The following GON4L variants were observed in gnomAD, a reference collection of about 807,000 sequenced individuals.
GON4L encodes GON-4-like protein.
A neutral mutation model predicts 211.8 loss-of-function variants in GON4L; 87 were observed. That is an observed-to-expected ratio of 0.41 (90% CI 0.35 to 0.49). The LOEUF (loss-of-function observed/expected upper bound fraction) is 0.49, where lower values mean the gene tolerates loss of function less well. Ranked by LOEUF, GON4L falls within the 20% of genes least tolerant of loss-of-function variation. The pLI, the probability that GON4L is intolerant of heterozygous loss-of-function variation, is 0.15. For missense variants in GON4L, 2,155 were observed against 2,659.5 expected, an observed-to-expected ratio of 0.81 and a Z score of 4.17; for synonymous variants, 875 against 962.6, an observed-to-expected ratio of 0.91 and a Z score of 1.68.
At chr1:155,821,261 G>A (rs1326290709) in intron 5 of GON4L, among the ~76,000 whole-genome samples, 4 of 150,452 alleles carry the variant, frequency 2.7e-5, no homozygotes, top group African/African-American at 2.4e-5. Flanking sequence ...GTAAGACTCC[G>A]TCTCAAAAAA....
chr1:155,769,476 C>T (rs1662943678), intron 19 of GON4L, among the ~76,000 whole-genome samples: 1 of 152,102 alleles, frequency 6.6e-6, no homozygotes, highest in African/African-American at 2.4e-5. Flanking sequence ...CAGAGAGCAA[C>T]ACGCTTAGAG....
intron 6 of GON4L, 122 bp downstream of exon 6, chr1:155,820,484 T>C: frequency 2.8e-6 from 2 of 708,162 alleles, no homozygotes; most frequent in Non-Finnish European, 5.1e-6. Context: ...CTGTCTTTTA[T>C]AAATATTTCT....
intron 25 of GON4L, 121 bp from the exon 26 acceptor site, chr1:155,757,444 T>C: frequency 1.2e-6 from 1 of 849,096 alleles, no homozygotes; most frequent in Non-Finnish European, 1.9e-6. Context: ...ACACAGAGAC[T>C]CTGCCTGGTA....
chr1:155,767,704 T>C (rs112155380), intron 19 of GON4L, among the ~76,000 whole-genome samples, 163 bp from the exon 20 acceptor site: 10,000 of 152,054 alleles, frequency 0.066, 408 homozygotes, highest in African/African-American at 0.11. Context: ...CATATATAAA[T>C]AGCATATGCT....
chr1:155,802,507 A>G (rs1666771238), intron 11 of GON4L, among the ~76,000 whole-genome samples: 1 of 152,166 alleles, frequency 6.6e-6, no homozygotes. Context: ...ACTGTTTTCA[A>G]AAATCTTTCC....
At chr1:155,786,373 A>C (rs1440056012) in intron 12 of GON4L, among the ~76,000 whole-genome samples, 1 of 152,064 alleles carries the variant, frequency 6.6e-6, no homozygotes, top group Non-Finnish European at 1.5e-5. Context: ...ATATCTCTAC[A>C]AAAAAATTTA....
intron 2 of GON4L, among the ~76,000 whole-genome samples, chr1:155,836,903 G>A (rs1670364927): frequency 6.6e-6 from 1 of 152,104 alleles, no homozygotes; most frequent in South Asian, 2.1e-4. Context: ...TTGTTATTTT[G>A]AGAGGTATTC....
At chr1:155,817,034 T>C (rs1003307095) in intron 6 of GON4L, among the ~76,000 whole-genome samples, 5 of 152,136 alleles carry the variant, frequency 3.3e-5, no homozygotes, top group Admixed American at 1.3e-4. Flanking sequence ...CCCTGTTGCC[T>C]AGGCTAGAGC....
At chr1:155,754,521 G>GTTT in intron 27 of GON4L, 33 bp from the exon 28 acceptor site, 6 of 601,028 alleles carry the variant, frequency 1.0e-5, no homozygotes, top group South Asian at 1.8e-5. Flanking sequence ...TAGCTGCCAA[G>GTTT]TTGTTTTTTT....
chr1:155,822,714 G>A (rs188315004), intron 3 of GON4L, among the ~76,000 whole-genome samples: 1 of 152,316 alleles, frequency 6.6e-6, no homozygotes, highest in Non-Finnish European at 1.5e-5. Flanking sequence ...GGATAGCAAA[G>A]GGGAATTAGG....
In GON4L at chr1:155,771,514, C is replaced by T. The variant is rs72706148; in HGVS notation, c.2496-297G>A. ...TCAGACAGGGTCTTGCTCTGTTGCC[C>T]GGGTTGGAGAGCGGGTGGCATGATT... On this transcript the variant is annotated intron_variant, in intron 18 of 31. Coordinates refer to ENST00000368331, the MANE Select transcript of GON4L (RefSeq NM_001282860.2). Among the ~76,000 whole-genome samples, 1,367 of 152,134 alleles carry T rather than the reference C, an allele frequency of 9.0e-3. 17 individuals carry two copies. The highest frequency in any genetic ancestry group is 0.015 in the Non-Finnish European group (986 of 67,996).
chr1:155,759,873 C>T (rs1437185242), intron 24 of GON4L, among the ~76,000 whole-genome samples: 1 of 150,008 alleles, frequency 6.7e-6, no homozygotes, highest in African/African-American at 2.4e-5. Context: ...TCCTTTCCTG[C>T]TTTATTTTTC....
intron 21 of GON4L, 86 bp downstream of exon 21, chr1:155,764,914 G>C (rs138422341): frequency 1.2e-6 from 2 of 1,608,884 alleles, no homozygotes; most frequent in Admixed American, 1.7e-5. Flanking sequence ...ACTATCCATA[G>C]TGCAGCAAGC....
At chr1:155,820,418 A>C (rs1366786952) in intron 6 of GON4L, among the ~76,000 whole-genome samples, 188 bp downstream of exon 6, 1 of 152,204 alleles carries the variant, frequency 6.6e-6, no homozygotes, top group Non-Finnish European at 1.5e-5. Flanking sequence ...AATGCTTCAT[A>C]TCTACTAAAA....
intron 11 of GON4L, among the ~76,000 whole-genome samples, chr1:155,801,894 A>C (rs1666705053): frequency 6.6e-6 from 1 of 151,752 alleles, no homozygotes; most frequent in Admixed American, 6.6e-5. Context: ...GAAAAAAAAA[A>C]TAGAAATGAG....
At chr1:155,824,068 G>C (rs1000314943) in intron 3 of GON4L, among the ~76,000 whole-genome samples, 1 of 152,006 alleles carries the variant, frequency 6.6e-6, no homozygotes, top group Non-Finnish European at 1.5e-5. Context: ...AAAATCTATA[G>C]AATGTTCACA....
chr1:155,764,114 G>C (rs1309642151), intron 21 of GON4L, among the ~76,000 whole-genome samples: 1 of 151,952 alleles, frequency 6.6e-6, no homozygotes, highest in African/African-American at 2.4e-5. Flanking sequence ...AGCAGGAGAG[G>C]GGAAGAAGTT....
chr1:155,801,929 T>C (rs1666707809), intron 11 of GON4L, among the ~76,000 whole-genome samples: 1 of 151,928 alleles, frequency 6.6e-6, no homozygotes, highest in African/African-American at 2.4e-5. Flanking sequence ...CCCAGGCTGG[T>C]CTTGACTTCC....
At position 155,762,191 on chromosome 1, in the gene GON4L, C is replaced by A; in HGVS notation, c.4910G>T (p.Arg1637Met). 1 of 1,603,900 alleles carries A rather than the reference C, an allele frequency of 6.2e-7. No individual in the cohort carries two copies. The highest frequency in any genetic ancestry group is 1.1e-5 in the South Asian group (1 of 89,064). Residue 1637 changes from arginine (R) to methionine (M), a missense_variant and splice_region_variant, in exon 23 of 32, where the codon AGG becomes ATG. Arg to Met is a moderately conservative substitution (Grantham distance 91). This residue lies in a region of GON4L where 455 missense variants were observed against 504.6 expected (regional missense o/e 0.90). Transcript: ENST00000368331. ...TAACAGGAAGCAGCATTTGCCTACC[C>A]TGGTCAGATAAGCTTGGGCAAAGGC... ...DLAFAQAYLTRVREALQHIPG... is the reference protein window; with the variant it reads ...DLAFAQAYLTMVREALQHIPG...
Sources: allele counts gnomAD v4.1 joint callset (sites outside exome capture counted in the v4.1 genomes callset), GRCh38; gene constraint gnomAD v4.1.1; regional missense constraint gnomAD v4.1.1; transcripts MANE v1.5; gene names NCBI Gene and HGNC (gene_info 2026-07-23, HGNC 2026-07-21).